The following NKD1 variants were observed in gnomAD, a reference collection of about 807,000 sequenced individuals.
NKD1 encodes NKD inhibitor of Wnt signaling pathway 1.
Under a neutral mutation model 56.0 loss-of-function variants are expected in NKD1, and 21 were observed. The ratio of observed to expected loss-of-function variants is 0.38; its 90% CI spans 0.27 to 0.54. NKD1 has a LOEUF of 0.54. Among genes scored for constraint, NKD1 ranks in the 20% least tolerant of loss-of-function variants. NKD1 has a pLI of 0.82. For missense variants in NKD1, 578 were observed against 642.7 expected (o/e 0.90, Z 1.09); for synonymous variants, 263 against 265.7 (o/e 0.99, Z 0.10).
rs769681424 is a variant in NKD1 at position 50,625,512 on chromosome 16, G to A, written c.394G>A (p.Glu132Lys). ...GCTCCAGTGCGACGTGTCCATGGAGGAGGACAGCCGGCAGGAGTGGACCTT... is the reference window on the plus strand; with the variant it reads ...GCTCCAGTGCGACGTGTCCATGGAGAAGGACAGCCGGCAGGAGTGGACCTT... Reference protein sequence around the residue: ...EELQCDVSMEEDSRQEWTFTL... With the variant: ...EELQCDVSMEKDSRQEWTFTL... The change falls in exon 6 of 10, where the codon GAG (glutamate) becomes AAG (lysine). Residue 132 changes from glutamate (E) to lysine (K), a missense_variant. Transcript: ENST00000268459. The A allele has an allele frequency of 6.8e-6, 11 of 1,613,662 alleles. No homozygotes were observed. Among genetic ancestry groups the A allele is most frequent in the Non-Finnish European group, 9.3e-6 (11 of 1,179,630 alleles).
intron 3 of NKD1, chr16:50,574,588 C>T (rs1960952759): frequency 1.0e-6 from 1 of 985,288 alleles, no homozygotes; most frequent in South Asian, 4.7e-5. Flanking sequence ...AGTTCATTAG[C>T]AGCTGGCCTC....
intron 3 of NKD1, among the ~76,000 whole-genome samples, chr16:50,561,886 G>A (rs747421626): frequency 3.3e-5 from 5 of 152,190 alleles, no homozygotes; most frequent in Non-Finnish European, 5.9e-5. Flanking sequence ...AGAGAGTGGA[G>A]TTATAGAAAA....
At chr16:50,571,372 G>T (rs916016936) in intron 3 of NKD1, 3 of 492,986 alleles carry the variant, frequency 6.1e-6, no homozygotes, top group Non-Finnish European at 5.3e-6. Context: ...CAGCCTGGTG[G>T]AACCAGGGTT....
intron 3 of NKD1, chr16:50,556,455 G>T (rs571236680): frequency 6.6e-6 from 1 of 152,364 alleles, no homozygotes; most frequent in Non-Finnish European, 1.5e-5. Flanking sequence ...GGCTTGGCCC[G>T]CCGGGGTGGG....
rs1960631773 is a variant in NKD1 at position 50,561,474 on chromosome 16, G to A, written c.192+11919G>A. ...AGAGTATGCACTTTGGACCAAGCCTGGGAGGGTCAACTTGTCTGTGGCTCC... is the reference window on the plus strand; with the variant it reads ...AGAGTATGCACTTTGGACCAAGCCTAGGAGGGTCAACTTGTCTGTGGCTCC... On this transcript the variant is annotated intron_variant, in intron 3 of 9. Coordinates refer to ENST00000268459, the MANE Select transcript of NKD1 (RefSeq NM_033119.5). 2.0e-5 allele frequency among the ~76,000 whole-genome samples: 3 copies of A among 152,220 alleles called. No individual in the cohort carries two copies. The South Asian group carries it at 6.2e-4, about 32-fold the overall frequency.
At chr16:50,624,159 GGA>G (rs1962157933) in intron 5 of NKD1, among the ~76,000 whole-genome samples, 1 of 152,146 alleles carries the variant, frequency 6.6e-6, no homozygotes, top group African/African-American at 2.4e-5. Flanking sequence ...GATGGTGGAA[GGA>G]GAGGTGGAGT....
chr16:50,570,963 C>T (rs919737464), intron 3 of NKD1: 167 of 985,322 alleles, frequency 1.7e-4, no homozygotes, highest in Non-Finnish European at 2.0e-4. Flanking sequence ...GCACTGAGGG[C>T]TGGCTGGTGG....
Position 50,646,971 on chromosome 16 carries a change from A to G in NKD1, c.*13190A>G, listed in dbSNP as rs1025212255. The G allele has an allele frequency of 6.6e-6, 1 of 152,256 alleles. No homozygotes were observed. The highest frequency in any genetic ancestry group is 1.5e-5 in the Non-Finnish European group (1 of 68,048). The allele number at this position is 152,256 out of a possible 1,614,324, so 9.4% of individuals were successfully genotyped here. A position where few individuals can be genotyped will look rare whatever the true frequency, so the allele number is the denominator to read the frequency against. Reference sequence around the variant, plus strand: ...TCCCACATCCCCAGCCCCAGTAACTAGCAGGGACACAGTCAACATTCAATA... The same window carrying G: ...TCCCACATCCCCAGCCCCAGTAACTGGCAGGGACACAGTCAACATTCAATA... On this transcript the variant is annotated 3_prime_UTR_variant, in exon 10 of 10. Coordinates refer to ENST00000268459, the MANE Select transcript of NKD1 (RefSeq NM_033119.5).
At position 50,638,601 on chromosome 16, in the gene NKD1, C is replaced by A. The variant is rs1207142388; in HGVS notation, c.*4820C>A. 2 of 152,234 alleles carry A rather than the reference C, an allele frequency of 1.3e-5. No homozygotes were observed. Among genetic ancestry groups the A allele is most frequent in the Admixed American group, 1.3e-4 (2 of 15,284 alleles). 9.4% of individuals were successfully genotyped at this position (152,234 alleles called of 1,614,324 possible). On this transcript the variant is annotated 3_prime_UTR_variant, in exon 10 of 10. Coordinates refer to ENST00000268459, the MANE Select transcript of NKD1 (RefSeq NM_033119.5). ...GTTTGATCACTTGCCACAGTCAGGA[C>A]CTTTGTGTGGGGCTCTGATCTGATG...
At chr16:50,588,323 C>T (rs547633424) in intron 3 of NKD1, among the ~76,000 whole-genome samples, 1 of 152,358 alleles carries the variant, frequency 6.6e-6, no homozygotes, top group South Asian at 2.1e-4. Flanking sequence ...AGGTCACATA[C>T]CCTAACAGCA....
intron 3 of NKD1, among the ~76,000 whole-genome samples, chr16:50,600,394 TGGAGGC>T (rs1961568927): frequency 6.6e-6 from 1 of 151,806 alleles, no homozygotes; most frequent in East Asian, 1.9e-4. Flanking sequence ...GCCCAGGAGT[TGGAGGC>T]TGCAGTGAGC....
chr16:50,557,018 A>T (rs1473910773), intron 3 of NKD1: 1 of 152,048 alleles, frequency 6.6e-6, no homozygotes, highest in Admixed American at 6.6e-5. Context: ...GTAGTTTTAG[A>T]TCTTCAGCCT....
chr16:50,609,815 G>A (rs1468788995), intron 4 of NKD1, among the ~76,000 whole-genome samples: 1 of 152,224 alleles, frequency 6.6e-6, no homozygotes, highest in East Asian at 1.9e-4. Flanking sequence ...GCAGGCCCCA[G>A]ATCAAGGGGG....
At chr16:50,611,213 TC>T (rs1023793227) in intron 4 of NKD1, among the ~76,000 whole-genome samples, 5 of 151,914 alleles carry the variant, frequency 3.3e-5, no homozygotes, top group African/African-American at 1.2e-4. Context: ...TCTCTCCAGG[TC>T]CCCCCTGCCT....
chr16:50,597,237 G>A (rs577917978), intron 3 of NKD1, among the ~76,000 whole-genome samples: 1 of 152,200 alleles, frequency 6.6e-6, no homozygotes, highest in Admixed American at 6.5e-5. Context: ...AAGCCTCTGG[G>A]GTGTCTGGCC....
intron 3 of NKD1, among the ~76,000 whole-genome samples, chr16:50,564,023 C>T (rs982517914): frequency 1.3e-5 from 2 of 152,252 alleles, no homozygotes; most frequent in African/African-American, 4.8e-5. Flanking sequence ...GGCAGGGAGG[C>T]GTCAAAGGAG....
At chr16:50,572,362 C>T (rs1280123793) in intron 3 of NKD1, among the ~76,000 whole-genome samples, 2 of 152,200 alleles carry the variant, frequency 1.3e-5, no homozygotes, top group African/African-American at 4.8e-5. Flanking sequence ...TGCACAGGGC[C>T]TGACACATAT....
At chr16:50,626,344 T>C (rs1962213883) in intron 6 of NKD1, among the ~76,000 whole-genome samples, 2 of 152,170 alleles carry the variant, frequency 1.3e-5, no homozygotes, top group South Asian at 2.1e-4. Context: ...ATCCAAACAA[T>C]TGTAGGATAA....
chr16:50,548,890 C>T (rs1022670761), intron 2 of NKD1, 141 bp downstream of exon 2: 63 of 1,137,418 alleles, frequency 5.5e-5, no homozygotes, highest in Non-Finnish European at 6.8e-5. Flanking sequence ...AAGCCCGCTC[C>T]CTGAGCAGCC....
Sources: gnomAD v4.1 joint callset for allele counts (sites outside exome capture counted in the v4.1 genomes callset) on GRCh38, gnomAD v4.1.1 for gene constraint, MANE v1.5 for transcripts, NCBI Gene and HGNC (gene_info 2026-07-23, HGNC 2026-07-21) for gene names.